TNFRSF19: variants seen among roughly 807,000 people sequenced by gnomAD.
TNFRSF19 encodes tumor necrosis factor receptor superfamily member 19.
Under a neutral mutation model 46.4 loss-of-function variants are expected in TNFRSF19, and 27 were observed. The observed-to-expected ratio is 0.58, with a 90% confidence interval of 0.43 to 0.80. The LOEUF is 0.80. TNFRSF19 is among the 30% of genes least tolerant of loss of function. The probability of loss-of-function intolerance (pLI) is 0.00; values close to 1 mark genes in which losing one functional copy is unlikely to be tolerated. For synonymous variants in TNFRSF19, 204 were observed against 205.0 expected (o/e 1.00, Z 0.04); for missense variants, 511 against 530.8 (o/e 0.96, Z 0.37).
intron 1 of TNFRSF19, among the ~76,000 whole-genome samples, chr13:23,576,611 T>C (rs1877975451): frequency 6.6e-6 from 1 of 152,184 alleles, no homozygotes; most frequent in Non-Finnish European, 1.5e-5. Flanking sequence ...AATCTGCAAA[T>C]GCTCAAGTCC....
intron 3 of TNFRSF19, among the ~76,000 whole-genome samples, chr13:23,608,753 G>A (rs1454053139): frequency 6.6e-6 from 1 of 152,216 alleles, no homozygotes; most frequent in African/African-American, 2.4e-5. Flanking sequence ...GTATTGGACA[G>A]TACAGCTCTA....
At chr13:23,629,213 G>A (rs116523342) in intron 5 of TNFRSF19, among the ~76,000 whole-genome samples, 1,570 of 152,216 alleles carry the variant, frequency 0.01, 26 homozygotes, top group African/African-American at 0.036. Context: ...GCTAACTTAA[G>A]GAGTGGGGTT....
intron 7 of TNFRSF19, among the ~76,000 whole-genome samples, chr13:23,662,921 G>C (rs1884460083): frequency 1.3e-5 from 2 of 152,188 alleles, no homozygotes; most frequent in South Asian, 4.1e-4. Context: ...TTTGGGCAGA[G>C]ACTGTGGGGT....
chr13:23,590,954 GTTA>G (rs1879238374), intron 2 of TNFRSF19, among the ~76,000 whole-genome samples: 1 of 152,166 alleles, frequency 6.6e-6, no homozygotes, highest in African/African-American at 2.4e-5. Context: ...ATTTTTAAAA[GTTA>G]TTATTTTATA....
At chr13:23,583,312 C>CA (rs371044268) in intron 1 of TNFRSF19, among the ~76,000 whole-genome samples, 1,681 of 146,374 alleles carry the variant, frequency 0.011, 30 homozygotes, top group African/African-American at 0.038. Flanking sequence ...AATGTTGGAC[C>CA]AAAAAAAAAT....
Position 23,647,947 on chromosome 13 carries a change from T to C in TNFRSF19, c.446-11103T>C, listed in dbSNP as rs191271301. 2.8e-3 allele frequency among the ~76,000 whole-genome samples: 430 copies of C among 152,316 alleles called. 5 individuals are homozygous for C. Among genetic ancestry groups the C allele is most frequent in the Non-Finnish European group, 3.8e-3 (261 of 68,014 alleles). On this transcript the variant is annotated intron_variant, in intron 5 of 9. Coordinates refer to ENST00000248484, the MANE Select transcript of TNFRSF19 (RefSeq NM_148957.4). ...TCTGTTCCATTGGTCTATATGTCTG[T>C]CATTATTCTAGTACCACACCACCCC...
At chr13:23,584,454 G>GT (rs1878681583) in intron 1 of TNFRSF19, among the ~76,000 whole-genome samples, 1 of 151,952 alleles carries the variant, frequency 6.6e-6, no homozygotes, top group Admixed American at 6.6e-5. Flanking sequence ...ATATACCACA[G>GT]TTTTTTTAGC....
At position 23,593,387 on chromosome 13, in the gene TNFRSF19, G is replaced by T. The variant is rs756138963; in HGVS notation, c.112G>T (p.Glu38Ter). The change falls in exon 3 of 10, where the codon GAA becomes TAA. Residue 38 changes from glutamate to a stop codon, truncating the protein, a stop_gained. Coordinates refer to ENST00000248484, the MANE Select transcript of TNFRSF19 (RefSeq NM_148957.4). LOFTEE classifies it high-confidence loss of function. ...TGAATCAGGAGACTGTAGACAGCAA[G>T]AATTCAGGGATCGGTCTGGAAACTG... ...TCESGDCRQQ[E>*]FRDRSGNCVP... 6.3e-7 allele frequency: 1 copy of T among 1,598,606 alleles called. No homozygotes were observed. Among genetic ancestry groups the T allele is most frequent in the Non-Finnish European group, 8.5e-7 (1 of 1,176,158 alleles).
chr13:23,661,313 C>T (rs1884353109), intron 7 of TNFRSF19, among the ~76,000 whole-genome samples: 1 of 152,110 alleles, frequency 6.6e-6, no homozygotes, highest in Non-Finnish European at 1.5e-5. Flanking sequence ...CTGTTCCCGC[C>T]TTAGTTTACT....
intron 4 of TNFRSF19, among the ~76,000 whole-genome samples, chr13:23,620,015 A>C (rs1244618746): frequency 6.6e-6 from 1 of 152,242 alleles, no homozygotes; most frequent in Non-Finnish European, 1.5e-5. Flanking sequence ...GGAAAGTTAT[A>C]AGTGAATAGA....
chr13:23,626,058 G>A (rs1196731853), intron 4 of TNFRSF19, among the ~76,000 whole-genome samples: 2 of 152,018 alleles, frequency 1.3e-5, no homozygotes, highest in East Asian at 3.8e-4. Context: ...AGATTTTTAA[G>A]TTTTACCTTA....
At chr13:23,633,071 A>G (rs1169484790) in intron 5 of TNFRSF19, among the ~76,000 whole-genome samples, 1 of 151,898 alleles carries the variant, frequency 6.6e-6, no homozygotes, top group African/African-American at 2.4e-5. Context: ...CTGGACCCCA[A>G]AAAGGGGTGC....
intron 1 of TNFRSF19, among the ~76,000 whole-genome samples, chr13:23,587,854 A>T (rs143617086): frequency 2.6e-5 from 4 of 152,310 alleles, no homozygotes; most frequent in Admixed American, 6.5e-5. Context: ...AGTACTCAAC[A>T]TTATAAACGC....
chr13:23,621,435 G>A (rs1881648143), intron 4 of TNFRSF19, among the ~76,000 whole-genome samples: 1 of 152,178 alleles, frequency 6.6e-6, no homozygotes, highest in South Asian at 2.1e-4. Flanking sequence ...CTGTCATCCA[G>A]TGTCTCACAG....
chr13:23,579,058 GC>G (rs1878173863), intron 1 of TNFRSF19, among the ~76,000 whole-genome samples: 2 of 152,204 alleles, frequency 1.3e-5, no homozygotes, highest in South Asian at 4.1e-4. Flanking sequence ...GAACACCCCG[GC>G]GGAAAGGAAC....
At chr13:23,598,346 G>A (rs913480028) in intron 3 of TNFRSF19, among the ~76,000 whole-genome samples, 1 of 152,010 alleles carries the variant, frequency 6.6e-6, no homozygotes, top group South Asian at 2.1e-4. Flanking sequence ...TAACAAACCT[G>A]CACGTTCTGC....
At chr13:23,639,266 G>T (rs191532709) in intron 5 of TNFRSF19, among the ~76,000 whole-genome samples, 29 of 152,190 alleles carry the variant, frequency 1.9e-4, no homozygotes, top group Admixed American at 1.7e-3. Flanking sequence ...AGTGGTGTGG[G>T]CCTGTAATCC....
At chr13:23,643,723 G>A (rs1883156823) in intron 5 of TNFRSF19, among the ~76,000 whole-genome samples, 4 of 152,216 alleles carry the variant, frequency 2.6e-5, no homozygotes, top group African/African-American at 9.7e-5. Context: ...GCGAGAAGGT[G>A]CGAAGATCCT....
intron 1 of TNFRSF19, among the ~76,000 whole-genome samples, chr13:23,576,366 C>A (rs1191509758): frequency 6.6e-6 from 1 of 152,150 alleles, no homozygotes; most frequent in Non-Finnish European, 1.5e-5. Flanking sequence ...CTCCTGACCT[C>A]AGGTGATCCG....
Sources: allele counts gnomAD v4.1 joint callset (sites outside exome capture counted in the v4.1 genomes callset), GRCh38; gene constraint gnomAD v4.1.1; transcripts MANE v1.5; gene names NCBI Gene and HGNC (gene_info 2026-07-23, HGNC 2026-07-21).